The following STRIP2 variants were observed in gnomAD, a reference collection of about 807,000 sequenced individuals.
STRIP2 encodes the protein striatin-interacting protein 2.
STRIP2 carries 84 observed loss-of-function variants against 107.1 expected under a neutral mutation model. That is an observed-to-expected ratio of 0.78 (90% CI 0.66 to 0.94). The LOEUF (loss-of-function observed/expected upper bound fraction) is 0.94. Among genes scored for constraint, STRIP2 ranks in the 40% least tolerant of loss-of-function variants. The pLI is 0.00. For missense variants in STRIP2, 888 were observed against 1,034.2 expected (o/e 0.86, Z 1.94); for synonymous variants, 394 against 400.4 (o/e 0.98, Z 0.19).
intron 1 of STRIP2, 32 bp downstream of exon 1, chr7:129,434,633 C>G (rs1338227068): frequency 3.1e-5 from 45 of 1,441,724 alleles, no homozygotes; most frequent in Middle Eastern, 2.5e-4. Context: ...GGCTGGGGCC[C>G]GGAGACGCCC....
chr7:129,453,962 TA>T (rs1295477367), intron 5 of STRIP2, among the ~76,000 whole-genome samples, 179 bp from the exon 6 acceptor site: 2 of 152,212 alleles, frequency 1.3e-5, no homozygotes, highest in African/African-American at 2.4e-5. Context: ...GTCTTCACCA[TA>T]GATGAGAGTT....
intron 18 of STRIP2, chr7:129,477,875 A>G: frequency 2.0e-6 from 1 of 492,196 alleles, no homozygotes; most frequent in Non-Finnish European, 4.1e-6. Flanking sequence ...TGTAGACACC[A>G]TGAGCAAAGC....
At position 129,458,537 on chromosome 7, in the gene STRIP2, C is replaced by T. The variant is rs1055028146; in HGVS notation, c.1274+87C>T. On this transcript the variant is annotated intron_variant, in intron 10 of 20. Transcript: ENST00000249344. This position sits in a 1 kb window ranked among gnomAD's most constrained non-coding sequence, Gnocchi z 4.6. The stretch of plus-strand genomic sequence containing the variant: ...TGGGGTAGTCTATGTATTCAAGGCT[C>T]GTTAAGTTGGTCTGGCAGTCAGAAC... The T allele has an allele frequency of 4.6e-6, 6 of 1,309,366 alleles. No homozygotes were observed. Among genetic ancestry groups the T allele is most frequent in the East Asian group, 2.5e-5 (1 of 39,704 alleles). The allele number at this position is 1,309,366 out of a possible 1,614,324, so 81.1% of individuals were successfully genotyped here.
In STRIP2 at chr7:129,485,698, A is replaced by G. The variant is rs779894402; in HGVS notation, c.2374A>G (p.Asn792Asp). 3 of 1,614,136 alleles carry G rather than the reference A, an allele frequency of 1.9e-6. No homozygotes were observed. In the South Asian group the frequency reaches 3.3e-5, roughly 18 times the overall value. Residue 792 changes from asparagine to aspartate, a missense_variant, in exon 21 of 21, where the codon AAC (asparagine) becomes GAC (aspartate). Transcript: ENST00000249344. ...PQDSEFSPVD[N>D]CLQSVLGQRL... ...GGACTCTGAGTTTTCACCTGTGGAT[A>G]ACTGCTTGCAGAGCGTACTGGGGCA... is the stretch of plus-strand genomic sequence containing the variant.
rs7784941 is a variant in STRIP2 at position 129,453,114 on chromosome 7, A to G, written c.410-113A>G. ...TTGGGGCCCCTGTCATACCTATGTC[A>G]GCCTAATTATTAGGCAGAGTATTAT... On this transcript the variant is annotated intron_variant, in intron 4 of 20. Coordinates refer to ENST00000249344, the MANE Select transcript of STRIP2 (RefSeq NM_020704.3). 2,086 of 1,448,162 alleles carry G rather than the reference A, an allele frequency of 1.4e-3. 31 individuals carry two copies. The African/African-American group carries it at 0.027, about 19-fold the overall frequency. 89.7% of individuals were successfully genotyped at this position (1,448,162 alleles called of 1,614,324 possible). A position where few individuals can be genotyped will look rare whatever the true frequency, so the allele number is the denominator to read the frequency against.
intron 16 of STRIP2, among the ~76,000 whole-genome samples, chr7:129,465,462 G>A (rs1055229490): frequency 2.6e-5 from 4 of 152,154 alleles, no homozygotes; most frequent in African/African-American, 7.2e-5. Context: ...TGCCTGGGGC[G>A]GGGAAAGATG....
intron 1 of STRIP2, among the ~76,000 whole-genome samples, chr7:129,438,465 G>A (rs117664027): frequency 5.3e-5 from 8 of 152,290 alleles, no homozygotes; most frequent in South Asian, 4.1e-4. Flanking sequence ...GTGCTAGGCC[G>A]TGTGCCTTTC....
chr7:129,457,578 G>T (rs1447849847), intron 9 of STRIP2, among the ~76,000 whole-genome samples: 5 of 152,196 alleles, frequency 3.3e-5, no homozygotes, highest in Middle Eastern at 3.2e-3. Context: ...GTAGTGCTCA[G>T]TAATCCAGTC....
chr7:129,457,417 C>A (rs541660848), intron 9 of STRIP2, among the ~76,000 whole-genome samples: 8 of 152,184 alleles, frequency 5.3e-5, no homozygotes, highest in Non-Finnish European at 1.2e-4. Flanking sequence ...ATTACATATG[C>A]AGTCCATTGT....
chr7:129,485,475 A>AAATT, intron 20 of STRIP2, 104 bp from the exon 21 acceptor site: 1 of 1,277,712 alleles, frequency 7.8e-7, no homozygotes, highest in Non-Finnish European at 1.1e-6. Flanking sequence ...AAAAAAAAGA[A>AAATT]TTTCTGAGCA....
At position 129,483,329 on chromosome 7, in the gene STRIP2, C is replaced by A; in HGVS notation, c.2254+283C>A. 2 of 1,140,564 alleles carry A rather than the reference C, an allele frequency of 1.8e-6. No individual in the cohort carries two copies. Among genetic ancestry groups the A allele is most frequent in the Non-Finnish European group, 2.2e-6 (2 of 918,884 alleles). The allele number at this position is 1,140,564 out of a possible 1,614,324, so 70.7% of individuals were successfully genotyped here. On this transcript the variant is annotated intron_variant, in intron 20 of 20. Transcript: ENST00000249344. This position sits in a 1 kb window ranked among gnomAD's most constrained non-coding sequence, Gnocchi z 5.1. ...ACATTCTTTTAAATGACAGCTTTCT[C>A]CAAAAGATTTAAATTAAAACAACTT...
chr7:129,450,379 T>C (rs1798150545), intron 3 of STRIP2, among the ~76,000 whole-genome samples: 1 of 152,034 alleles, frequency 6.6e-6, no homozygotes, highest in Non-Finnish European at 1.5e-5. Context: ...AGCAATGGAG[T>C]AGAAGCATGA....
In STRIP2 at chr7:129,458,403, T is replaced by G; in HGVS notation, c.1227T>G (p.Ala409=). Residue 409 remains alanine (A), a synonymous_variant, in exon 10 of 21, where the codon GCT becomes GCG. Transcript: ENST00000249344. The surrounding 1 kb of genome is among the most constrained non-coding windows in gnomAD (Gnocchi z 4.6). ...PPPPSQAPLS[A]ERVAFPKGLP... ...CACCCTCACAGGCACCCCTCTCTGC[T>G]GAGCGGGTGGCTTTTCCCAAGGGCC... The G allele has an allele frequency of 6.2e-7, 1 of 1,612,052 alleles. No individual in the cohort carries two copies. Among genetic ancestry groups the G allele is most frequent in the Non-Finnish European group, 8.5e-7 (1 of 1,179,130 alleles).
chr7:129,439,517 G>A (rs1410230182), intron 1 of STRIP2, among the ~76,000 whole-genome samples: 1 of 152,190 alleles, frequency 6.6e-6, no homozygotes, highest in East Asian at 1.9e-4. Context: ...TTGGAGTGGA[G>A]ATGTTGCATC....
In STRIP2 at chr7:129,434,599, G is replaced by C. The variant is rs1485832690; in HGVS notation, c.127G>C (p.Glu43Gln). 4 of 1,495,226 alleles carry C rather than the reference G, an allele frequency of 2.7e-6. No homozygotes were observed. The highest frequency in any genetic ancestry group is 2.9e-5 in the African/African-American group (2 of 68,862). 92.6% of individuals were successfully genotyped at this position (1,495,226 alleles called of 1,614,324 possible). ...EAFRSQRRES[E>Q]GSVDCPTLEF... ...GTTCCGAAGCCAGCGGCGGGAGTCAGAGGTGAGGAGCCCGGAAAGCTTCGG... is the reference window on the plus strand; with the variant it reads ...GTTCCGAAGCCAGCGGCGGGAGTCACAGGTGAGGAGCCCGGAAAGCTTCGG... The change falls in exon 1 of 21, where the codon GAG (glutamate) becomes CAG (glutamine). Residue 43 changes from glutamate (E) to glutamine (Q), a missense_variant and splice_region_variant. Physicochemically the swap from Glu to Gln is conservative, Grantham distance 29. Transcript: ENST00000249344.
chr7:129,482,546 T>A (rs572017595), intron 19 of STRIP2, among the ~76,000 whole-genome samples: 1 of 151,712 alleles, frequency 6.6e-6, no homozygotes, highest in Admixed American at 6.6e-5. Flanking sequence ...CCTGGCTAAT[T>A]TTTGTATTTT....
chr7:129,446,673 C>A (rs1798044469), intron 3 of STRIP2, among the ~76,000 whole-genome samples: 1 of 152,178 alleles, frequency 6.6e-6, no homozygotes. Context: ...AGGGAGCTCC[C>A]CATGAGGCCA....
chr7:129,476,104 G>A (rs1441941028), intron 18 of STRIP2, among the ~76,000 whole-genome samples: 13 of 151,948 alleles, frequency 8.6e-5, no homozygotes, highest in Non-Finnish European at 1.9e-4. Flanking sequence ...GGTGGCGGCC[G>A]GGCAGAGGGG....
rs1007381957 is a variant in STRIP2, at chr7:129,434,432, C to T, written c.-41C>T. On this transcript the variant is annotated 5_prime_UTR_variant, in exon 1 of 21. Transcript: ENST00000249344. ...CGCGCGGCGGTAGGGTCGCCTCCGGCAAAGCGAGCTGAACCCTGAGGGGAG... is the reference window on the plus strand; with the variant it reads ...CGCGCGGCGGTAGGGTCGCCTCCGGTAAAGCGAGCTGAACCCTGAGGGGAG... 3 of 1,445,164 alleles carry T rather than the reference C, an allele frequency of 2.1e-6. No individual in the cohort carries two copies. Among genetic ancestry groups the T allele is most frequent in the Admixed American group, 2.6e-5 (1 of 38,402 alleles). The allele number at this position is 1,445,164 out of a possible 1,614,324, so 89.5% of individuals were successfully genotyped here. A position where few individuals can be genotyped will look rare whatever the true frequency, so the allele number is the denominator to read the frequency against.
Sources: allele counts gnomAD v4.1 joint callset (sites outside exome capture counted in the v4.1 genomes callset), GRCh38; gene constraint gnomAD v4.1.1; non-coding constraint Gnocchi (gnomAD v3.1); transcripts MANE v1.5; gene names NCBI Gene and HGNC (gene_info 2026-07-23, HGNC 2026-07-21).